The following SAMD12 variants were observed in gnomAD, a reference collection of about 807,000 sequenced individuals.
The protein encoded by SAMD12 is sterile alpha motif domain containing 12.
In SAMD12, 9 loss-of-function variants were observed where a neutral mutation model predicts 15.0. The ratio of observed to expected loss-of-function variants is 0.60; its 90% CI spans 0.36 to 1.05. The LOEUF is 1.05. SAMD12 is among the 50% of genes least tolerant of loss of function. The pLI is 0.01. For missense variants in SAMD12, 230 were observed against 234.2 expected, an observed-to-expected ratio of 0.98 and a Z score of 0.12; for synonymous variants, 86 against 90.1, an observed-to-expected ratio of 0.96 and a Z score of 0.25.
chr8:118,482,835 C>G (rs1050844337), intron 2 of SAMD12, among the ~76,000 whole-genome samples: 1 of 152,128 alleles, frequency 6.6e-6, no homozygotes, highest in Admixed American at 6.5e-5. Flanking sequence ...GATGCTTTTG[C>G]AATAAAATTC....
chr8:118,227,529 A>C (rs555136384), intron 4 of SAMD12, among the ~76,000 whole-genome samples: 4 of 152,164 alleles, frequency 2.6e-5, no homozygotes, highest in African/African-American at 9.7e-5. Flanking sequence ...AGAGTTAAAA[A>C]AAAAGATGAC....
chr8:118,508,446 T>C (rs1268454872), intron 2 of SAMD12, among the ~76,000 whole-genome samples: 1 of 145,264 alleles, frequency 6.9e-6, no homozygotes, highest in Non-Finnish European at 1.5e-5. Flanking sequence ...CAAGTTTCTT[T>C]TTTGTTTTGT....
chr8:118,255,456 G>A (rs911023083), intron 4 of SAMD12, among the ~76,000 whole-genome samples: 4 of 150,582 alleles, frequency 2.7e-5, no homozygotes, highest in Non-Finnish European at 4.4e-5. Flanking sequence ...TGCACCCATT[G>A]ACTCGTCATT....
At chr8:118,549,916 A>T (rs535832659) in intron 2 of SAMD12, among the ~76,000 whole-genome samples, 3 of 152,188 alleles carry the variant, frequency 2.0e-5, no homozygotes, top group Non-Finnish European at 4.4e-5. Context: ...TCAACTGGAA[A>T]AAAGGGTATC....
chr8:118,511,980 A>AAATC (rs533174518), intron 2 of SAMD12, among the ~76,000 whole-genome samples: 31 of 152,326 alleles, frequency 2.0e-4, no homozygotes, highest in African/African-American at 6.3e-4. Context: ...CTAAATAAGT[A>AAATC]AATCAATCAA....
At chr8:118,376,435 T>C (rs543294820), downstream of SAMD12, among the ~76,000 whole-genome samples, 2 of 152,072 alleles carry the variant, frequency 1.3e-5, no homozygotes, top group African/African-American at 4.8e-5. Context: ...TCCCACCCCA[T>C]GTGACATTAC....
chr8:118,244,980 T>C (rs1037225417), intron 4 of SAMD12, among the ~76,000 whole-genome samples: 15 of 152,130 alleles, frequency 9.9e-5, no homozygotes, highest in African/African-American at 3.1e-4. Flanking sequence ...TTTTTGGAAA[T>C]AGGAGAGGAG....
the SAMD12 span, among the ~76,000 whole-genome samples, chr8:118,149,442 C>G: frequency 5.3e-5 from 8 of 152,136 alleles, no homozygotes; most frequent in Non-Finnish European, 2.9e-5. Context: ...ATATTCAAAT[C>G]TTTTGCCCAT....
intron 2 of SAMD12, among the ~76,000 whole-genome samples, chr8:118,550,634 A>C (rs910676599): frequency 1.1e-4 from 17 of 152,162 alleles, no homozygotes; most frequent in East Asian, 3.9e-4. Context: ...CGAGCAAAAT[A>C]ACCAGCTAAC....
the SAMD12 span, among the ~76,000 whole-genome samples, chr8:118,162,383 T>C: frequency 6.6e-6 from 1 of 151,080 alleles, no homozygotes; most frequent in Admixed American, 6.6e-5. Flanking sequence ...GAGAATGTAA[T>C]CTTATTGGCA....
At chr8:118,261,159 G>GAAGTAGTGA (rs1036193591) in intron 4 of SAMD12, among the ~76,000 whole-genome samples, 1 of 152,088 alleles carries the variant, frequency 6.6e-6, no homozygotes, top group African/African-American at 2.4e-5. Context: ...GATTTCCTCA[G>GAAGTAGTGA]AAGTAGTGAA....
At chr8:118,616,441 G>C (rs1226883239) in intron 1 of SAMD12, among the ~76,000 whole-genome samples, 1 of 152,188 alleles carries the variant, frequency 6.6e-6, no homozygotes, top group Non-Finnish European at 1.5e-5. Flanking sequence ...ACAAGAAAAG[G>C]TAGTTAGGAA....
intron 3 of SAMD12, among the ~76,000 whole-genome samples, chr8:118,420,610 G>C (rs1821953191): frequency 6.6e-6 from 1 of 152,120 alleles, no homozygotes; most frequent in Admixed American, 6.5e-5. Context: ...TTCGTATAGA[G>C]AAAACTATCT....
At chr8:118,594,981 T>G (rs1464410616) in intron 1 of SAMD12, among the ~76,000 whole-genome samples, 2 of 152,170 alleles carry the variant, frequency 1.3e-5, no homozygotes, top group African/African-American at 4.8e-5. Context: ...ACCATAAAGT[T>G]AGACATTCCC....
At chr8:118,210,239 C>G (rs1819981907) in intron 4 of SAMD12, among the ~76,000 whole-genome samples, 1 of 152,184 alleles carries the variant, frequency 6.6e-6, no homozygotes, top group East Asian at 1.9e-4. Context: ...TACTTTTAAG[C>G]CTCGTAACAG....
At chr8:118,271,572 C>G (rs1813356406) in intron 4 of SAMD12, among the ~76,000 whole-genome samples, 2 of 152,126 alleles carry the variant, frequency 1.3e-5, no homozygotes, top group South Asian at 4.2e-4. Context: ...AGTCCAAAAT[C>G]TCATCTGAGA....
intron 4 of SAMD12, among the ~76,000 whole-genome samples, chr8:118,224,316 G>C (rs1812141029): frequency 1.3e-5 from 2 of 152,126 alleles, no homozygotes; most frequent in South Asian, 4.1e-4. Flanking sequence ...GTTCAATGAA[G>C]TAAGGAAAGA....
At chr8:118,364,607 G>A (rs1050985761) in intron 4 of SAMD12, among the ~76,000 whole-genome samples, 5 of 152,180 alleles carry the variant, frequency 3.3e-5, no homozygotes, top group African/African-American at 1.2e-4. Context: ...CACATGCACA[G>A]AAGTCAACTG....
chr8:118,460,977 G>C (rs941877435), intron 2 of SAMD12, among the ~76,000 whole-genome samples: 11 of 152,114 alleles, frequency 7.2e-5, no homozygotes, highest in African/African-American at 2.7e-4. Context: ...CCCCTTTTCT[G>C]CCTTTGCACA....
Sources: gnomAD v4.1 joint callset for allele counts (sites outside exome capture counted in the v4.1 genomes callset) on GRCh38, gnomAD v4.1.1 for gene constraint, MANE v1.5 for transcripts, NCBI Gene and HGNC (gene_info 2026-07-23, HGNC 2026-07-21) for gene names.